NUP93: variants seen among roughly 807,000 people sequenced by gnomAD.
NUP93 encodes the protein nucleoporin 93, also known as nuclear pore complex protein Nup93.
Under a neutral mutation model 107.8 loss-of-function variants are expected in NUP93, and 55 were observed. The observed-to-expected ratio is 0.51, with a 90% CI of 0.41 to 0.64. The LOEUF (loss-of-function observed/expected upper bound fraction) is 0.64, where lower values mean the gene tolerates loss of function less well. NUP93 is among the 30% of genes least tolerant of loss of function. The pLI is 0.00. For missense variants in NUP93, 937 were observed against 1,044.7 expected, an observed-to-expected ratio of 0.90 and a Z score of 1.42; for synonymous variants, 390 against 397.5, an observed-to-expected ratio of 0.98 and a Z score of 0.22.
intron 3 of NUP93, among the ~76,000 whole-genome samples, chr16:56,764,256 C>T (rs991217514): frequency 1.3e-5 from 2 of 152,050 alleles, no homozygotes; most frequent in Non-Finnish European, 2.9e-5. Flanking sequence ...TTTGGGAGGC[C>T]GAGGCGGGCA....
chr16:56,758,071 A>AG (rs200000007), intron 2 of NUP93, among the ~76,000 whole-genome samples: 2 of 150,630 alleles, frequency 1.3e-5, no homozygotes, highest in African/African-American at 4.9e-5. Context: ...ACTCTGTCTC[A>AG]GAAAAAAAAA....
At chr16:56,773,673 G>A (rs1305209478) in intron 3 of NUP93, among the ~76,000 whole-genome samples, 2 of 152,178 alleles carry the variant, frequency 1.3e-5, no homozygotes, top group African/African-American at 4.8e-5. Flanking sequence ...ATCTGTGAGG[G>A]TGCGACCCAG....
chr16:56,822,471 C>G (rs1963565281), intron 7 of NUP93, among the ~76,000 whole-genome samples: 1 of 150,892 alleles, frequency 6.6e-6, no homozygotes, highest in Non-Finnish European at 1.5e-5. Flanking sequence ...CATGATCATG[C>G]CAGTGTATTC....
chr16:56,834,132 C>T lies in NUP93; in HGVS notation c.1542C>T (p.Ser514=), dbSNP rs141945589. The T allele has an allele frequency of 2.0e-4, 315 of 1,614,124 alleles. 1 individual carries two copies. The highest frequency in any genetic ancestry group is 9.9e-4 in the Middle Eastern group (6 of 6,062). The change falls in exon 14 of 22, where the codon AGC becomes AGT. Residue 514 remains serine (S), a synonymous_variant. Coordinates refer to ENST00000308159, the MANE Select transcript of NUP93 (RefSeq NM_014669.5). Reference sequence around the variant, plus strand: ...ATTCTGACCCCCACAATGCAGTCAGCCACGAGCCTGGTGACCCTCCTTGCT... The same window carrying T: ...ATTCTGACCCCCACAATGCAGTCAGTCACGAGCCTGGTGACCCTCCTTGCT... The part of the protein sequence containing the change: ...KSSGQSAQLL[S]HEPGDPPCLR...
chr16:56,795,300 A>G (rs1300724643), intron 3 of NUP93, among the ~76,000 whole-genome samples: 1 of 152,198 alleles, frequency 6.6e-6, no homozygotes, highest in African/African-American at 2.4e-5. Flanking sequence ...GCCACATTGG[A>G]GACCACTAAT....
intron 3 of NUP93, among the ~76,000 whole-genome samples, chr16:56,791,380 T>C (rs1421545393): frequency 6.6e-6 from 1 of 152,258 alleles, no homozygotes; most frequent in Non-Finnish European, 1.5e-5. Flanking sequence ...AGGACAGAAC[T>C]GTGAAAGAAC....
intron 2 of NUP93, among the ~76,000 whole-genome samples, chr16:56,749,836 A>G (rs994036560): frequency 2.0e-5 from 3 of 151,882 alleles, no homozygotes; most frequent in African/African-American, 2.4e-5. Context: ...CCTGGCAGGG[A>G]TTTTTTACCC....
At chr16:56,778,089 T>G (rs1962447780) in intron 3 of NUP93, among the ~76,000 whole-genome samples, 1 of 152,166 alleles carries the variant, frequency 6.6e-6, no homozygotes, top group Non-Finnish European at 1.5e-5. Context: ...CTGTCCAAGC[T>G]GTGAAAAGTG....
At chr16:56,819,758 T>A (rs1963506328) in intron 6 of NUP93, among the ~76,000 whole-genome samples, 1 of 152,266 alleles carries the variant, frequency 6.6e-6, no homozygotes, top group Non-Finnish European at 1.5e-5. Flanking sequence ...GCTGATGGTA[T>A]TATCAGAAGT....
At chr16:56,836,791 T>G in intron 17 of NUP93, 74 bp downstream of exon 17, 1 of 929,494 alleles carries the variant, frequency 1.1e-6, no homozygotes, top group Non-Finnish European at 1.7e-6. Flanking sequence ...TGCAGCCACT[T>G]GGACAGTGTC....
At chr16:56,789,981 C>T (rs1343406701) in intron 3 of NUP93, among the ~76,000 whole-genome samples, 3 of 152,136 alleles carry the variant, frequency 2.0e-5, no homozygotes, top group African/African-American at 4.8e-5. Flanking sequence ...CCTGTAATCC[C>T]AGCTACTCAG....
chr16:56,831,619 G>A lies in NUP93; in HGVS notation c.1086-223G>A. 1.3e-5 allele frequency: 6 copies of A among 477,630 alleles called. No homozygotes were observed. The South Asian group carries it at 1.5e-4, about 12-fold the overall frequency. The allele number at this position is 477,630 out of a possible 1,614,324, so 29.6% of individuals were successfully genotyped here. A position where few individuals can be genotyped will look rare whatever the true frequency, so the allele number is the denominator to read the frequency against. The stretch of plus-strand genomic sequence containing the variant: ...TTCTCACCTGCCCATGAAGGCCTCA[G>A]CAAATAGAAAACCGGCAGGCCAATA... On this transcript the variant is annotated intron_variant, in intron 10 of 21. Transcript: ENST00000308159.
chr16:56,821,196 CT>C (rs1963534269), intron 6 of NUP93, among the ~76,000 whole-genome samples: 1 of 152,172 alleles, frequency 6.6e-6, no homozygotes, highest in African/African-American at 2.4e-5. Flanking sequence ...AGCCAGAGCC[CT>C]TCCATTCTCC....
chr16:56,744,194 A>C (rs1405495901), intron 1 of NUP93, among the ~76,000 whole-genome samples: 4 of 152,136 alleles, frequency 2.6e-5, no homozygotes, highest in Non-Finnish European at 4.4e-5. Context: ...AGATTTTCCC[A>C]ACACATGGCT....
intron 3 of NUP93, among the ~76,000 whole-genome samples, chr16:56,786,765 T>C (rs1962637164): frequency 6.6e-6 from 1 of 152,268 alleles, no homozygotes; most frequent in African/African-American, 2.4e-5. Flanking sequence ...CCAGGCATTC[T>C]GACATGTCCT....
At chr16:56,759,136 C>T (rs1200703909) in intron 3 of NUP93, among the ~76,000 whole-genome samples, 1 of 152,094 alleles carries the variant, frequency 6.6e-6, no homozygotes, top group Non-Finnish European at 1.5e-5. Flanking sequence ...TTAGTGGCAC[C>T]AGGAAATAGT....
intron 6 of NUP93, 38 bp from the exon 7 acceptor site, chr16:56,821,466 A>G (rs1204499867): frequency 5.2e-6 from 7 of 1,357,408 alleles, no homozygotes; most frequent in Non-Finnish European, 7.4e-6. Flanking sequence ...AAGAGAAAAT[A>G]GATACTTTGC....
intron 7 of NUP93, among the ~76,000 whole-genome samples, chr16:56,822,098 CAAA>C (rs71381135): frequency 9.0e-4 from 47 of 51,990 alleles, no homozygotes; most frequent in Non-Finnish European, 1.3e-3. Flanking sequence ...CCATAAGGGG[CAAA>C]AAAAAAAAAA....
chr16:56,821,566 T>C lies in NUP93; in HGVS notation c.627T>C (p.Cys209=), dbSNP rs1459100781. ...GHLQPNLVDL[C]ASVAELDDKS... is the part of the protein sequence containing the mutation. ...TGCAGCCTAACCTGGTGGACCTTTG[T>C]GCTTCCGTCGCAGAGCTCGATGATA... The change falls in exon 7 of 22, where the codon TGT becomes TGC. Residue 209 remains cysteine (C), a synonymous_variant. Transcript: ENST00000308159. The C allele has an allele frequency of 6.2e-7, 1 of 1,613,262 alleles. No individual in the cohort carries two copies. The highest frequency in any genetic ancestry group is 1.3e-5 in the African/African-American group (1 of 74,888).
Sources: gnomAD v4.1 joint callset for allele counts (sites outside exome capture counted in the v4.1 genomes callset) on GRCh38, gnomAD v4.1.1 for gene constraint, MANE v1.5 for transcripts, NCBI Gene and HGNC (gene_info 2026-07-23, HGNC 2026-07-21) for gene names.